Variants in UBE2U observed in about 807,000 individuals in gnomAD.
The protein encoded by UBE2U is ubiquitin conjugating enzyme E2 U.
A neutral mutation model predicts 41.2 loss-of-function variants in UBE2U; 39 were observed. The observed-to-expected ratio is 0.95, with a 90% CI of 0.73 to 1.24. The LOEUF (loss-of-function observed/expected upper bound fraction) is 1.24, where lower values mean the gene tolerates loss of function less well. Ranked by LOEUF, UBE2U falls within the 50% of genes most tolerant of loss-of-function variation. The pLI, the probability that UBE2U is intolerant of heterozygous loss-of-function variation, is 0.00. For missense variants in UBE2U, 336 were observed against 363.1 expected (o/e 0.93, Z 0.61); for synonymous variants, 107 against 117.8 (o/e 0.91, Z 0.60).
intron 8 of UBE2U, chr1:64,243,998 G>A: frequency 1.8e-6 from 1 of 562,220 alleles, no homozygotes; most frequent in South Asian, 2.2e-5. Flanking sequence ...ACCTCCCAGG[G>A]AAGGTGTGAG....
At chr1:64,259,366 C>T (rs1645146651) in intron 8 of UBE2U, among the ~76,000 whole-genome samples, 1 of 152,080 alleles carries the variant, frequency 6.6e-6, no homozygotes, top group Non-Finnish European at 1.5e-5. Context: ...GTTGCCGTTG[C>T]TTTTGGTGTT....
chr1:64,237,964 G>A (rs944012483), intron 7 of UBE2U, among the ~76,000 whole-genome samples: 9 of 152,226 alleles, frequency 5.9e-5, no homozygotes, highest in African/African-American at 1.2e-4. Flanking sequence ...AATAGCATTC[G>A]TGAGAGATTA....
At chr1:64,257,882 T>C (rs1444470307) in intron 8 of UBE2U, among the ~76,000 whole-genome samples, 2 of 151,450 alleles carry the variant, frequency 1.3e-5, no homozygotes, top group African/African-American at 2.4e-5. Flanking sequence ...GAGAGAGTTT[T>C]AAAATAAAAG....
chr1:64,239,765 T>C (rs1448312149), intron 7 of UBE2U, among the ~76,000 whole-genome samples: 1 of 152,128 alleles, frequency 6.6e-6, no homozygotes, highest in Non-Finnish European at 1.5e-5. Flanking sequence ...ATCCAGTCTA[T>C]CATTGGTGGA....
chr1:64,256,313 CAATCCT>C (rs1645090286), intron 8 of UBE2U, among the ~76,000 whole-genome samples: 1 of 152,144 alleles, frequency 6.6e-6, no homozygotes, highest in Admixed American at 6.6e-5. Flanking sequence ...GTAGCCAAGA[CAATCCT>C]AAGCAAAAAG....
At chr1:64,211,581 C>T (rs978594629) in intron 4 of UBE2U, among the ~76,000 whole-genome samples, 1 of 151,614 alleles carries the variant, frequency 6.6e-6, no homozygotes, top group African/African-American at 2.4e-5. Flanking sequence ...CTGGGACCAC[C>T]GGCATGCCCT....
intron 9 of UBE2U, among the ~76,000 whole-genome samples, chr1:64,261,359 C>T (rs897596017): frequency 2.6e-5 from 4 of 152,072 alleles, no homozygotes; most frequent in Non-Finnish European, 5.9e-5. Flanking sequence ...AAAATCTGCC[C>T]TTACTCACAG....
chr1:64,252,528 A>G (rs1255176765), intron 8 of UBE2U, among the ~76,000 whole-genome samples: 1 of 152,146 alleles, frequency 6.6e-6, no homozygotes, highest in Non-Finnish European at 1.5e-5. Flanking sequence ...TCCCTCTAGG[A>G]TGGAGCTTCC....
chr1:64,231,330 A>G (rs1478400099), intron 6 of UBE2U, among the ~76,000 whole-genome samples: 1 of 152,198 alleles, frequency 6.6e-6, no homozygotes, highest in Non-Finnish European at 1.5e-5. Context: ...TGTCTGCTAA[A>G]TGATCTGTGA....
chr1:64,228,596 T>C (rs915189314), intron 6 of UBE2U, among the ~76,000 whole-genome samples: 1 of 152,098 alleles, frequency 6.6e-6, no homozygotes, highest in African/African-American at 2.4e-5. Flanking sequence ...GTGAAGAGCT[T>C]CAAGTTCTAT....
chr1:64,239,171 A>AGAAGAAGAAGAG (rs1644778901), intron 7 of UBE2U, among the ~76,000 whole-genome samples: 1 of 90,906 alleles, frequency 1.1e-5, no homozygotes, highest in Non-Finnish European at 2.1e-5. Context: ...AAGAAGAAGA[A>AGAAGAAGAAGAG]GAAGAAGAAG....
At chr1:64,210,211 T>C (rs1482362346) in intron 3 of UBE2U, among the ~76,000 whole-genome samples, 2 of 152,252 alleles carry the variant, frequency 1.3e-5, no homozygotes, top group Admixed American at 1.3e-4. Flanking sequence ...AGTTTTATTT[T>C]TCTTATTTAA....
intron 8 of UBE2U, among the ~76,000 whole-genome samples, chr1:64,249,591 T>C (rs1279218417): frequency 6.6e-6 from 1 of 151,754 alleles, no homozygotes; most frequent in Non-Finnish European, 1.5e-5. Flanking sequence ...ATGGAAGATA[T>C]ACCAGTGGAA....
At chr1:64,231,229 CA>C (rs77274484) in intron 6 of UBE2U, among the ~76,000 whole-genome samples, 22,458 of 152,014 alleles carry the variant, frequency 0.15, 2,042 homozygotes, top group East Asian at 0.43. Flanking sequence ...GTCAAACAGA[CA>C]AAAAACAATG....
At chr1:64,213,060 G>A (rs1651756886) in intron 4 of UBE2U, among the ~76,000 whole-genome samples, 1 of 152,138 alleles carries the variant, frequency 6.6e-6, no homozygotes, top group Non-Finnish European at 1.5e-5. Context: ...TACTAGGAAA[G>A]AGCTTTCTGC....
At chr1:64,236,037 A>G (rs894674487) in intron 7 of UBE2U, among the ~76,000 whole-genome samples, 6 of 152,164 alleles carry the variant, frequency 3.9e-5, no homozygotes, top group African/African-American at 1.4e-4. Flanking sequence ...TACATCCTGG[A>G]GTCAGATTTA....
intron 7 of UBE2U, among the ~76,000 whole-genome samples, chr1:64,235,226 C>T (rs1644643546): frequency 6.6e-6 from 1 of 152,102 alleles, no homozygotes; most frequent in South Asian, 2.1e-4. Flanking sequence ...GTGATTCATC[C>T]CTGTTTGTAA....
intron 6 of UBE2U, among the ~76,000 whole-genome samples, chr1:64,223,772 G>A: frequency 6.6e-6 from 1 of 152,124 alleles, no homozygotes; most frequent in East Asian, 1.9e-4. Flanking sequence ...GTTTTCATAG[G>A]AGGTGATGCC....
At chr1:64,240,043 A>G (rs1644809038) in intron 7 of UBE2U, among the ~76,000 whole-genome samples, 1 of 152,152 alleles carries the variant, frequency 6.6e-6, no homozygotes, top group African/African-American at 2.4e-5. Flanking sequence ...TGTTAATCAT[A>G]GTAGGTTTTT....
Sources: allele counts gnomAD v4.1 joint callset (sites outside exome capture counted in the v4.1 genomes callset), GRCh38; gene constraint gnomAD v4.1.1; transcripts MANE v1.5; gene names NCBI Gene and HGNC (gene_info 2026-07-23, HGNC 2026-07-21).